Variants in GRIP1 observed in about 807,000 individuals in gnomAD.
GRIP1 encodes glutamate receptor interacting protein 1.
Under a neutral mutation model 129.9 loss-of-function variants are expected in GRIP1, and 45 were observed. The observed-to-expected ratio is 0.35, with a 90% confidence interval of 0.27 to 0.44. The LOEUF (loss-of-function observed/expected upper bound fraction) is 0.44, where lower values mean the gene tolerates loss of function less well. Among genes scored for constraint, GRIP1 ranks in the 20% least tolerant of loss-of-function variants. The probability of loss-of-function intolerance (pLI) is 1.00; values close to 1 mark genes in which losing one functional copy is unlikely to be tolerated. For synonymous variants in GRIP1, 530 were observed against 520.8 expected (o/e 1.02, Z -0.24); for missense variants, 1,196 against 1,396.8 (o/e 0.86, Z 2.29).
At chr12:66,943,472 A>T (rs187643254) in intron 1 of GRIP1, among the ~76,000 whole-genome samples, 120 of 152,386 alleles carry the variant, frequency 7.9e-4, no homozygotes, top group Non-Finnish European at 1.4e-3. Flanking sequence ...AAATGGATAT[A>T]GGCATTAAAG....
intron 1 of GRIP1, among the ~76,000 whole-genome samples, chr12:66,735,299 C>T (rs1170256724): frequency 3.3e-5 from 5 of 152,062 alleles, no homozygotes; most frequent in Non-Finnish European, 7.4e-5. Flanking sequence ...TAAAAATATG[C>T]TTATAATGTC....
intron 1 of GRIP1, among the ~76,000 whole-genome samples, chr12:66,603,550 G>A (rs2064376939): frequency 6.6e-6 from 1 of 152,172 alleles, no homozygotes. Context: ...TTCATGTTTG[G>A]AAAGCCCTGC....
Position 66,455,618 on chromosome 12 carries a change from G to A in GRIP1, c.1199-54C>T, listed in dbSNP as rs144551030. On this transcript the variant is annotated intron_variant, in intron 10 of 24. Coordinates refer to ENST00000359742, the MANE Select transcript of GRIP1 (RefSeq NM_001366722.1). ...GCACTCTCAGGTGAGGTGTGAGCCC[G>A]CCACACTTGTCAACCAGTAACAATC... The A allele has an allele frequency of 4.3e-4, 648 of 1,514,518 alleles. 4 individuals carry two copies. The Middle Eastern group carries it at 8.2e-3, about 19-fold the overall frequency. 93.8% of individuals were successfully genotyped at this position (1,514,518 alleles called of 1,614,324 possible). A position where few individuals can be genotyped will look rare whatever the true frequency, so the allele number is the denominator to read the frequency against.
chr12:66,739,089 C>T (rs187974371), intron 1 of GRIP1, among the ~76,000 whole-genome samples: 1 of 152,226 alleles, frequency 6.6e-6, no homozygotes, highest in Admixed American at 6.5e-5. Context: ...GTGCTCTGGT[C>T]ACGATAAAAT....
At chr12:66,996,339 G>T (rs147272064) in intron 1 of GRIP1, among the ~76,000 whole-genome samples, 119 of 150,702 alleles carry the variant, frequency 7.9e-4, no homozygotes, top group African/African-American at 2.7e-3. Context: ...TTAAAAATGC[G>T]AACTAACAAT....
chr12:66,909,654 T>C (rs1486171945), intron 1 of GRIP1, among the ~76,000 whole-genome samples: 1 of 152,210 alleles, frequency 6.6e-6, no homozygotes, highest in Admixed American at 6.5e-5. Flanking sequence ...AGTAATTATA[T>C]GAAAGCTGCT....
intron 12 of GRIP1, 113 bp from the exon 13 acceptor site, chr12:66,444,842 C>A (rs2058575961): frequency 9.2e-7 from 1 of 1,083,210 alleles, no homozygotes; most frequent in African/African-American, 1.5e-5. Context: ...TTTGGTCTTG[C>A]TTATTCAATG....
Position 66,706,226 on chromosome 12 carries a change from C to A in GRIP1, c.-419-75890G>T, listed in dbSNP as rs547742456. Among the ~76,000 whole-genome samples the A allele has an allele frequency of 3.2e-4, 48 of 152,198 alleles. No individual in the cohort carries two copies. In the South Asian group the frequency reaches 9.7e-3, roughly 31 times the overall value. Reference sequence around the variant, plus strand: ...ATTTACAAGAAAAAGACAACCCCATCAAAAAGTGGGCAAAGGATATGAACA... The same window carrying A: ...ATTTACAAGAAAAAGACAACCCCATAAAAAAGTGGGCAAAGGATATGAACA... On this transcript the variant is annotated intron_variant, in intron 1 of 4. Transcript: ENST00000538373.
At chr12:66,995,013 G>C (rs1021035198) in intron 1 of GRIP1, among the ~76,000 whole-genome samples, 1 of 151,936 alleles carries the variant, frequency 6.6e-6, no homozygotes, top group African/African-American at 2.4e-5. Flanking sequence ...TAATGGAGTA[G>C]AATTATGAGT....
chr12:66,402,962 T>G (rs946420663), intron 16 of GRIP1, among the ~76,000 whole-genome samples: 2 of 152,196 alleles, frequency 1.3e-5, no homozygotes, highest in Non-Finnish European at 2.9e-5. Flanking sequence ...GAGTGGAGCA[T>G]GGACTGTGCC....
intron 1 of GRIP1, among the ~76,000 whole-genome samples, chr12:66,854,831 A>G (rs1473636491): frequency 2.0e-5 from 3 of 152,044 alleles, no homozygotes; most frequent in African/African-American, 7.2e-5. Flanking sequence ...AGGAATATGT[A>G]AAATGGGGCC....
At chr12:67,054,635 G>A (rs1025372397) in intron 1 of GRIP1, among the ~76,000 whole-genome samples, 6 of 151,926 alleles carry the variant, frequency 3.9e-5, no homozygotes, top group Non-Finnish European at 5.9e-5. Flanking sequence ...ATGGTGGTGC[G>A]CACCTGTAAT....
At chr12:66,659,103 T>C (rs1037482004) in intron 1 of GRIP1, among the ~76,000 whole-genome samples, 2 of 152,220 alleles carry the variant, frequency 1.3e-5, no homozygotes, top group African/African-American at 4.8e-5. Flanking sequence ...TGCTCTTCTC[T>C]CTGTGTAGAA....
In GRIP1 at chr12:66,629,809, T is replaced by C. The variant is rs183681588; in HGVS notation, c.56-32882A>G. On this transcript the variant is annotated intron_variant, in intron 1 of 24. Coordinates refer to ENST00000359742, the MANE Select transcript of GRIP1 (RefSeq NM_001366722.1). ...ATACTAACCCATTCATCTATTACAT[T>C]CCCATGTTGAAATTTTGTGTGAGAA... 1.9e-3 allele frequency among the ~76,000 whole-genome samples: 291 copies of C among 152,296 alleles called. 1 individual carries two copies. The highest frequency in any genetic ancestry group is 2.3e-3 in the South Asian group (11 of 4,832).
chr12:66,876,960 G>A (rs2040393902), intron 1 of GRIP1, among the ~76,000 whole-genome samples: 2 of 151,932 alleles, frequency 1.3e-5, no homozygotes, highest in African/African-American at 4.8e-5. Flanking sequence ...TAAACCCCAA[G>A]TATTTTTTTG....
chr12:66,418,461 T>C (rs900472672), intron 15 of GRIP1, among the ~76,000 whole-genome samples: 3 of 152,018 alleles, frequency 2.0e-5, no homozygotes, highest in Non-Finnish European at 4.4e-5. Flanking sequence ...GTGAAAAATC[T>C]TTTTCATAGC....
At chr12:66,614,989 C>T (rs535959819) in intron 1 of GRIP1, among the ~76,000 whole-genome samples, 1 of 152,250 alleles carries the variant, frequency 6.6e-6, no homozygotes, top group African/African-American at 2.4e-5. Context: ...TTCTCCTTTC[C>T]CAAGTTCCTA....
At chr12:66,743,872 T>C (rs763844747) in intron 1 of GRIP1, among the ~76,000 whole-genome samples, 1 of 152,186 alleles carries the variant, frequency 6.6e-6, no homozygotes, top group Non-Finnish European at 1.5e-5. Context: ...CTCCATTACA[T>C]ATTCAAGTGA....
At chr12:66,630,675 G>C (rs1339085498) in intron 1 of GRIP1, among the ~76,000 whole-genome samples, 2 of 152,176 alleles carry the variant, frequency 1.3e-5, no homozygotes, top group African/African-American at 4.8e-5. Flanking sequence ...TGAGGGCAGT[G>C]AGCAGAGACT....
Sources: allele counts gnomAD v4.1 joint callset (sites outside exome capture counted in the v4.1 genomes callset), GRCh38; gene constraint gnomAD v4.1.1; transcripts MANE v1.5; gene names NCBI Gene and HGNC (gene_info 2026-07-23, HGNC 2026-07-21).